Variants in RPRD2 observed in about 807,000 individuals in gnomAD.
The protein encoded by RPRD2 is regulation of nuclear pre-mRNA domain containing 2, also known as regulation of nuclear pre-mRNA domain-containing protein 2.
Under a neutral mutation model 104.4 loss-of-function variants are expected in RPRD2, and 12 were observed. The ratio of observed to expected loss-of-function variants is 0.11; its 90% CI spans 0.07 to 0.19. RPRD2 has a LOEUF of 0.19. Ranked by LOEUF, RPRD2 falls within the 10% of genes least tolerant of loss-of-function variation. The probability of loss-of-function intolerance (pLI) is 1.00; values close to 1 mark genes in which losing one functional copy is unlikely to be tolerated. For missense variants in RPRD2, 1,543 were observed against 1,790.1 expected (o/e 0.86, Z 2.49); for synonymous variants, 714 against 684.9 (o/e 1.04, Z -0.66).
intron 10 of RPRD2, among the ~76,000 whole-genome samples, chr1:150,468,832 G>A (rs587594932): frequency 2.3e-4 from 35 of 151,380 alleles, no homozygotes; most frequent in African/African-American, 8.2e-4. Context: ...AGCTATGATC[G>A]CACCACTGCA....
rs750166822 is a variant in RPRD2, at chr1:150,472,797, T to C, written c.3849T>C (p.Gly1283=). The C allele has an allele frequency of 3.7e-6, 6 of 1,610,896 alleles. No homozygotes were observed. The highest frequency in any genetic ancestry group is 5.1e-6 in the Non-Finnish European group (6 of 1,177,444). Residue 1283 remains glycine (G), a synonymous_variant, in exon 11 of 11, where the codon GGT becomes GGC. Coordinates refer to ENST00000369068, the MANE Select transcript of RPRD2 (RefSeq NM_015203.5). ...PPPPGEHSSS[G]GSGVPFSTPP... is the part of the protein sequence containing the mutation. ...CTCCTGGGGAACATAGCAGCAGTGGTGGGAGTGGTGTCCCCTTTTCTACTC... is the reference window on the plus strand; with the variant it reads ...CTCCTGGGGAACATAGCAGCAGTGGCGGGAGTGGTGTCCCCTTTTCTACTC...
intron 1 of RPRD2, among the ~76,000 whole-genome samples, chr1:150,368,896 C>T (rs758572232): frequency 7.2e-5 from 11 of 152,188 alleles, no homozygotes; most frequent in Non-Finnish European, 1.5e-4. Flanking sequence ...GCGTGAGCCA[C>T]TGCACCCGGC....
rs138914578 is a variant in RPRD2 at position 150,415,449 on chromosome 1, G to A, written c.206-2147G>A. 6.5e-3 allele frequency among the ~76,000 whole-genome samples: 989 copies of A among 152,210 alleles called. 5 individuals carry two copies. The highest frequency in any genetic ancestry group is 0.012 in the South Asian group (58 of 4,814). On this transcript the variant is annotated intron_variant, in intron 1 of 10. Transcript: ENST00000369068. The stretch of plus-strand genomic sequence containing the variant: ...TGTAATCCCAGCAATTTGGGAGGCT[G>A]AGGCGGGCAGATTGCTTGAGCCCAG...
At chr1:150,405,489 C>G (rs1694386) in intron 1 of RPRD2, among the ~76,000 whole-genome samples, 91,951 of 151,724 alleles carry the variant, frequency 0.61, 28,418 homozygotes, top group African/African-American at 0.67. Context: ...ATTCCGTAGG[C>G]TGAATCATAT....
intron 2 of RPRD2, among the ~76,000 whole-genome samples, chr1:150,428,942 A>G (rs1305119329): frequency 2.0e-5 from 3 of 151,906 alleles, no homozygotes; most frequent in African/African-American, 7.2e-5. Flanking sequence ...GCAATTCTAT[A>G]AGGTCGCTGT....
At chr1:150,391,711 C>A (rs1392878900) in intron 1 of RPRD2, among the ~76,000 whole-genome samples, 2 of 152,090 alleles carry the variant, frequency 1.3e-5, no homozygotes, top group Non-Finnish European at 2.9e-5. Flanking sequence ...AGTTTGAGAC[C>A]AGCCTGGCCA....
chr1:150,456,045 G>C (rs1553897502), intron 7 of RPRD2, among the ~76,000 whole-genome samples: 1 of 151,992 alleles, frequency 6.6e-6, no homozygotes. Flanking sequence ...GCCCAGGCTG[G>C]TCTTGAACTC....
intron 1 of RPRD2, 132 bp from the exon 2 acceptor site, chr1:150,417,464 A>G (rs1664429251): frequency 4.5e-6 from 3 of 660,912 alleles, no homozygotes; most frequent in South Asian, 6.8e-5. Flanking sequence ...ATGTAATTAC[A>G]TTCATCTTTT....
At position 150,457,332 on chromosome 1, in the gene RPRD2, G is replaced by A. The variant is rs1399481937; in HGVS notation, c.915G>A (p.Lys305=). ...ACCGAGTAAACAATTTAAAGAAGAA[G>A]TTGGATCAATTGAAGTCAACCCTTC... ...FANRVNNLKK[K]LDQLKSTLPD... Residue 305 remains lysine, a synonymous_variant, in exon 8 of 11, where the codon AAG becomes AAA. Transcript: ENST00000369068. 6.2e-7 allele frequency: 1 copy of A among 1,608,064 alleles called. No individual in the cohort carries two copies. Among genetic ancestry groups the A allele is most frequent in the Non-Finnish European group, 8.5e-7 (1 of 1,174,420 alleles).
At chr1:150,383,907 A>G (rs1376095963) in intron 1 of RPRD2, among the ~76,000 whole-genome samples, 5 of 152,206 alleles carry the variant, frequency 3.3e-5, no homozygotes, top group African/African-American at 1.2e-4. Context: ...GAGAAAATAT[A>G]CCATACTATA....
intron 2 of RPRD2, among the ~76,000 whole-genome samples, chr1:150,429,797 A>G (rs56044405): frequency 0.014 from 2,097 of 152,364 alleles, 42 homozygotes; most frequent in African/African-American, 0.048. Context: ...TTCTGGCAGA[A>G]TAGTCAACCA....
At chr1:150,419,755 G>A (rs1664625417) in intron 2 of RPRD2, among the ~76,000 whole-genome samples, 1 of 152,034 alleles carries the variant, frequency 6.6e-6, no homozygotes, top group African/African-American at 2.4e-5. Context: ...TCAGCCTCCC[G>A]AGTAGCCAGG....
intron 1 of RPRD2, among the ~76,000 whole-genome samples, chr1:150,373,817 G>A (rs1208554868): frequency 6.6e-6 from 1 of 152,120 alleles, no homozygotes; most frequent in Non-Finnish European, 1.5e-5. Flanking sequence ...TTTAGAGCCA[G>A]GAAGCTGGAA....
At chr1:150,407,620 C>G (rs956600625) in intron 1 of RPRD2, among the ~76,000 whole-genome samples, 4 of 152,124 alleles carry the variant, frequency 2.6e-5, no homozygotes, top group African/African-American at 9.7e-5. Flanking sequence ...AGATTTTCTA[C>G]GTAGTTCAGT....
At chr1:150,375,453 G>C (rs1553879280) in intron 1 of RPRD2, among the ~76,000 whole-genome samples, 1 of 152,182 alleles carries the variant, frequency 6.6e-6, no homozygotes, top group African/African-American at 2.4e-5. Flanking sequence ...TTTGCTCACA[G>C]AGGCCACCCA....
intron 9 of RPRD2, among the ~76,000 whole-genome samples, chr1:150,463,206 C>G (rs1464978482): frequency 3.9e-5 from 6 of 152,022 alleles, no homozygotes; most frequent in Non-Finnish European, 7.4e-5. Context: ...CCGTGTAGTC[C>G]CAGCTACTCG....
intron 1 of RPRD2, among the ~76,000 whole-genome samples, chr1:150,385,568 T>C (rs1553881666): frequency 6.6e-6 from 1 of 152,242 alleles, no homozygotes; most frequent in Admixed American, 6.5e-5. Context: ...ACTGTAAATA[T>C]GTAAATATTA....
chr1:150,441,280 T>G (rs1468739060), intron 3 of RPRD2: 1 of 357,634 alleles, frequency 2.8e-6, no homozygotes, highest in East Asian at 5.6e-5. Flanking sequence ...AATAGCCATC[T>G]GGTTATTTTC....
chr1:150,413,334 C>G (rs782053747), intron 1 of RPRD2, among the ~76,000 whole-genome samples: 8 of 152,218 alleles, frequency 5.3e-5, no homozygotes, highest in Non-Finnish European at 1.0e-4. Context: ...GGCGCTGTGG[C>G]TCACGCCTGT....
Sources: allele counts gnomAD v4.1 joint callset (sites outside exome capture counted in the v4.1 genomes callset), GRCh38; gene constraint gnomAD v4.1.1; transcripts MANE v1.5; gene names NCBI Gene and HGNC (gene_info 2026-07-23, HGNC 2026-07-21).